ZFHX3: variants seen among roughly 807,000 people sequenced by gnomAD.
ZFHX3 encodes the protein zinc finger homeobox protein 3.
A neutral mutation model predicts 279.1 loss-of-function variants in ZFHX3; 42 were observed. The ratio of observed to expected loss-of-function variants is 0.15; its 90% confidence interval spans 0.12 to 0.19. The LOEUF (loss-of-function observed/expected upper bound fraction) is 0.19, where lower values mean the gene tolerates loss of function less well. Ranked by LOEUF, ZFHX3 falls within the 10% of genes least tolerant of loss-of-function variation. ZFHX3 has a pLI of 1.00. For missense variants in ZFHX3, 4,981 were observed against 4,754.0 expected (o/e 1.05, Z -1.40); for synonymous variants, 2,293 against 1,957.8 (o/e 1.17, Z -4.52).
intron 1 of ZFHX3, among the ~76,000 whole-genome samples, chr16:73,811,438 CTTTTT>C (rs34134056): frequency 1.9e-5 from 2 of 106,570 alleles, no homozygotes; most frequent in African/African-American, 7.4e-5. Context: ...TCAGTCTCTT[CTTTTT>C]TTTTTTTTTT....
intron 5 of ZFHX3, among the ~76,000 whole-genome samples, chr16:73,241,176 C>A (rs2013110244): frequency 1.3e-5 from 2 of 152,222 alleles, no homozygotes; most frequent in Admixed American, 1.3e-4. Context: ...CGTTAGGCAC[C>A]TGTGCCCATA....
At chr16:73,092,620 A>G (rs1966098691) in intron 8 of ZFHX3, 2 of 248,250 alleles carry the variant, frequency 8.1e-6, no homozygotes, top group Admixed American at 1.0e-4. Flanking sequence ...AGACGCCTTC[A>G]TAGAATCAAG....
At chr16:73,118,046 G>A (rs771381135) in intron 7 of ZFHX3, among the ~76,000 whole-genome samples, 1 of 152,188 alleles carries the variant, frequency 6.6e-6, no homozygotes, top group African/African-American at 2.4e-5. Context: ...CACACCAGAG[G>A]TAGTGAATTG....
chr16:73,749,976 C>A (rs1001901217), intron 1 of ZFHX3, among the ~76,000 whole-genome samples: 4 of 152,178 alleles, frequency 2.6e-5, no homozygotes, highest in African/African-American at 9.7e-5. Context: ...AGTAAACAGG[C>A]TAGTGCCTGA....
chr16:73,762,383 T>A (rs1158662255), intron 1 of ZFHX3, among the ~76,000 whole-genome samples: 1 of 152,160 alleles, frequency 6.6e-6, no homozygotes. Context: ...TTAGTGGAAA[T>A]GTAAATTAGT....
chr16:73,812,077 C>A (rs1960444688), intron 1 of ZFHX3, among the ~76,000 whole-genome samples: 1 of 152,186 alleles, frequency 6.6e-6, no homozygotes, highest in Admixed American at 6.5e-5. Context: ...AGAATTCAAA[C>A]CCAAACAGGC....
chr16:73,513,177 CT>C (rs2019462189), intron 2 of ZFHX3, among the ~76,000 whole-genome samples: 2 of 152,160 alleles, frequency 1.3e-5, no homozygotes, highest in Non-Finnish European at 2.9e-5. Flanking sequence ...AGATGGACAG[CT>C]CTTTGAAAAG....
At chr16:73,017,784 G>C (rs1964158801) in intron 1 of ZFHX3, among the ~76,000 whole-genome samples, 1 of 152,046 alleles carries the variant, frequency 6.6e-6, no homozygotes, top group African/African-American at 2.4e-5. Context: ...TCTGGACTAG[G>C]GCTAGGGGTA....
chr16:73,499,503 C>CATTTG (rs2143661765), intron 2 of ZFHX3: 1 of 152,304 alleles, frequency 6.6e-6, no homozygotes, highest in Non-Finnish European at 1.5e-5. Flanking sequence ...CCAAGTCACA[C>CATTTG]ATTTGGGAAG....
chr16:72,902,444 G>A (rs151078254), intron 3 of ZFHX3, among the ~76,000 whole-genome samples: 83 of 152,316 alleles, frequency 5.4e-4, no homozygotes, highest in Middle Eastern at 6.8e-3. Flanking sequence ...TGGCTTCCTC[G>A]CATGGCCCTG....
chr16:72,827,783 T>C (rs1567536132), intron 5 of ZFHX3, among the ~76,000 whole-genome samples: 1 of 152,162 alleles, frequency 6.6e-6, no homozygotes, highest in East Asian at 1.9e-4. Context: ...CCCTCATTGT[T>C]TTCTGGAGTT....
intron 4 of ZFHX3, among the ~76,000 whole-genome samples, chr16:73,312,479 T>C (rs1285084316): frequency 6.6e-6 from 1 of 152,186 alleles, no homozygotes; most frequent in African/African-American, 2.4e-5. Context: ...ACTGACTTAA[T>C]GATAGTGTGT....
At chr16:73,409,542 A>T (rs2017425885) in intron 3 of ZFHX3, among the ~76,000 whole-genome samples, 1 of 152,218 alleles carries the variant, frequency 6.6e-6, no homozygotes, top group Non-Finnish European at 1.5e-5. Flanking sequence ...TACAACCACT[A>T]TGGAGAACAG....
At position 73,748,133 on chromosome 16, in the gene ZFHX3, G is replaced by A. The variant is rs138549894; in HGVS notation, c.-1607-67893C>T. On this transcript the variant is annotated intron_variant, in intron 1 of 17. Transcript: ENST00000641206. ...GAGAAAATGTAGAATCTAACATTTT[G>A]AAATTTCACGGGGATTTTTCATCAA... Among the ~76,000 whole-genome samples, 5 of 152,218 alleles carry A rather than the reference G, an allele frequency of 3.3e-5. No homozygotes were observed. The East Asian group carries it at 5.8e-4, about 18-fold the overall frequency.
chr16:73,754,626 G>A (rs964748121), intron 1 of ZFHX3, among the ~76,000 whole-genome samples: 5 of 152,192 alleles, frequency 3.3e-5, no homozygotes, highest in African/African-American at 1.2e-4. Flanking sequence ...CCCACTCTGG[G>A]TGCTCACAAG....
chr16:73,483,363 G>GAA, intron 2 of ZFHX3: 1 of 455,564 alleles, frequency 2.2e-6, no homozygotes, highest in South Asian at 1.6e-5. Context: ...GAGAGAGAGA[G>GAA]AGAGAGTTCC....
rs145956102 is a variant in ZFHX3, at chr16:72,794,380, T to A, written c.8302A>T (p.Thr2768Ser). ...CTTGGGGGTAGGTGGGAAAAGCTAG[T>A]TCCGTCAAAAATATCTCCTTTCATC... ...LQMKGDIFDG[T>S]SFSHLPPSSS... Residue 2768 changes from threonine (T) to serine (S), a missense_variant, in exon 9 of 10, where the codon ACT becomes TCT. By Grantham distance (58) the Thr-to-Ser change is moderately conservative. Transcript: ENST00000268489. The surrounding 1 kb of genome is among the most constrained non-coding windows in gnomAD (Gnocchi z 4.2). 4.0e-4 allele frequency: 649 copies of A among 1,604,594 alleles called. 4 individuals carry two copies. In the Middle Eastern group the frequency reaches 7.0e-3, roughly 17 times the overall value.
At chr16:73,489,843 A>G (rs1012504809) in intron 2 of ZFHX3, among the ~76,000 whole-genome samples, 1 of 152,160 alleles carries the variant, frequency 6.6e-6, no homozygotes, top group African/African-American at 2.4e-5. Flanking sequence ...TAGTAATTGT[A>G]ACAACATTAG....
intron 3 of ZFHX3, among the ~76,000 whole-genome samples, chr16:73,350,235 A>T (rs1160906140): frequency 6.6e-6 from 1 of 152,116 alleles, no homozygotes; most frequent in Non-Finnish European, 1.5e-5. Context: ...CATTCTGAAC[A>T]AGAATATCTC....
Sources: gnomAD v4.1 joint callset for allele counts (sites outside exome capture counted in the v4.1 genomes callset) on GRCh38, gnomAD v4.1.1 for gene constraint, Gnocchi (gnomAD v3.1) non-coding constraint, MANE v1.5 for transcripts, NCBI Gene and HGNC (gene_info 2026-07-23, HGNC 2026-07-21) for gene names.